Variants in OPCML observed in about 807,000 individuals in gnomAD.
The protein encoded by OPCML is opioid-binding protein/cell adhesion molecule.
A neutral mutation model predicts 37.8 loss-of-function variants in OPCML; 13 were observed. The ratio of observed to expected loss-of-function variants is 0.34; its 90% CI spans 0.22 to 0.55. The LOEUF (loss-of-function observed/expected upper bound fraction) is 0.55. OPCML is among the 20% of genes least tolerant of loss of function. The pLI, the probability that OPCML is intolerant of heterozygous loss-of-function variation, is 0.91. For synonymous variants in OPCML, 176 were observed against 168.8 expected (o/e 1.04, Z -0.33); for missense variants, 341 against 435.6 (o/e 0.78, Z 1.93).
intron 2 of OPCML, among the ~76,000 whole-genome samples, chr11:132,798,624 C>G (rs1938470081): frequency 6.6e-6 from 1 of 152,134 alleles, no homozygotes; most frequent in Non-Finnish European, 1.5e-5. Flanking sequence ...AGTCTTAAAC[C>G]CCTCAAGAGT....
chr11:132,620,015 T>C (rs1190639451), intron 3 of OPCML, among the ~76,000 whole-genome samples: 2 of 152,222 alleles, frequency 1.3e-5, no homozygotes. Context: ...TAATTTTCTC[T>C]ATGGAAAAAT....
intron 3 of OPCML, among the ~76,000 whole-genome samples, chr11:132,639,657 G>C (rs1167608913): frequency 6.6e-6 from 1 of 152,208 alleles, no homozygotes; most frequent in East Asian, 1.9e-4. Context: ...TGGCAAGTTG[G>C]TCTGGCCCTC....
At chr11:133,399,599 A>G (rs1171236182) in intron 1 of OPCML, among the ~76,000 whole-genome samples, 14 of 152,112 alleles carry the variant, frequency 9.2e-5, no homozygotes. Context: ...GAACAACACA[A>G]ACACACATAC....
At chr11:132,813,633 C>T (rs1205186354) in intron 2 of OPCML, among the ~76,000 whole-genome samples, 1 of 152,148 alleles carries the variant, frequency 6.6e-6, no homozygotes, top group Non-Finnish European at 1.5e-5. Context: ...CAGCACTGTG[C>T]ATCCCCAGCA....
chr11:132,757,791 CTTTAG>C (rs941029560), intron 2 of OPCML, among the ~76,000 whole-genome samples: 63 of 152,268 alleles, frequency 4.1e-4, no homozygotes, highest in African/African-American at 1.4e-3. Context: ...TGCAGAAACT[CTTTAG>C]TTTAATTAGA....
At chr11:133,333,405 A>G (rs1190483270) in intron 1 of OPCML, among the ~76,000 whole-genome samples, 1 of 152,154 alleles carries the variant, frequency 6.6e-6, no homozygotes, top group African/African-American at 2.4e-5. Flanking sequence ...AAAACTCCCT[A>G]TTCAGTAAAT....
chr11:132,971,129 C>A (rs1210759598), intron 1 of OPCML, among the ~76,000 whole-genome samples: 1 of 152,160 alleles, frequency 6.6e-6, no homozygotes, highest in African/African-American at 2.4e-5. Flanking sequence ...AGAAAGAAGG[C>A]AAGCTGAAAA....
chr11:132,756,803 T>C (rs1050612201), intron 2 of OPCML, among the ~76,000 whole-genome samples: 1 of 152,176 alleles, frequency 6.6e-6, no homozygotes, highest in Non-Finnish European at 1.5e-5. Flanking sequence ...TATTATACTT[T>C]AAGTTCTGGG....
chr11:132,784,361 A>C (rs879943950), intron 2 of OPCML, among the ~76,000 whole-genome samples: 14 of 152,116 alleles, frequency 9.2e-5, no homozygotes, highest in Non-Finnish European at 1.9e-4. Context: ...AATGACTTCT[A>C]TCTAGTTAGC....
chr11:133,186,571 C>T (rs1938085156), intron 1 of OPCML, among the ~76,000 whole-genome samples: 1 of 152,058 alleles, frequency 6.6e-6, no homozygotes, highest in Non-Finnish European at 1.5e-5. Flanking sequence ...CCTTGCTTTC[C>T]ACTCACCTCC....
At chr11:133,305,047 CAG>C (rs1221844682) in intron 1 of OPCML, among the ~76,000 whole-genome samples, 10 of 152,134 alleles carry the variant, frequency 6.6e-5, no homozygotes, top group African/African-American at 1.7e-4. Flanking sequence ...GCTTTTCATG[CAG>C]AGAGTGATAA....
chr11:133,527,311 T>C (rs759809313), intron 1 of OPCML, among the ~76,000 whole-genome samples: 24 of 152,304 alleles, frequency 1.6e-4, no homozygotes, highest in Non-Finnish European at 3.2e-4. Context: ...GCAGAAAAAC[T>C]AAGACCTAAA....
chr11:132,710,129 G>T (rs1237685626), intron 2 of OPCML, among the ~76,000 whole-genome samples: 1 of 152,124 alleles, frequency 6.6e-6, no homozygotes, highest in Non-Finnish European at 1.5e-5. Context: ...TTCTGAAAAA[G>T]GCAAAGACCT....
At chr11:133,507,011 A>G (rs115648835) in intron 1 of OPCML, among the ~76,000 whole-genome samples, 2,300 of 152,316 alleles carry the variant, frequency 0.015, 49 homozygotes, top group African/African-American at 0.053. Flanking sequence ...TTATCCCTGC[A>G]TGTGGGTCTT....
Position 133,141,983 on chromosome 11 carries a change from A to G in OPCML, c.62-198973T>C, listed in dbSNP as rs1308551109. Among the ~76,000 whole-genome samples the G allele has an allele frequency of 2.0e-5, 3 of 152,166 alleles. 1 individual carries two copies. Among genetic ancestry groups the G allele is most frequent in the Admixed American group, 2.0e-4 (3 of 15,278 alleles). ...TGCCAAGTTCCTTGGCTTTTAGGGC[A>G]TGAGTTTGCTGGGTTAGAGCCCAAG... On this transcript the variant is annotated intron_variant, in intron 1 of 7. Transcript: ENST00000524381.
intron 1 of OPCML, among the ~76,000 whole-genome samples, chr11:133,346,049 G>A (rs1382004636): frequency 6.6e-6 from 1 of 152,192 alleles, no homozygotes; most frequent in Non-Finnish European, 1.5e-5. Context: ...CTTCATCAAA[G>A]TTGAGGTTGT....
intron 2 of OPCML, among the ~76,000 whole-genome samples, chr11:132,941,911 G>A (rs999253493): frequency 6.6e-6 from 1 of 152,164 alleles, no homozygotes; most frequent in African/African-American, 2.4e-5. Flanking sequence ...GGAGGAACAG[G>A]AAGAACCCCC....
chr11:133,516,285 C>G (rs1948270034), intron 1 of OPCML, among the ~76,000 whole-genome samples: 1 of 152,240 alleles, frequency 6.6e-6, no homozygotes, highest in Admixed American at 6.5e-5. Flanking sequence ...GACTTGATAT[C>G]TCCACTGCGT....
At chr11:132,591,014 AAT>A (rs1255380039) in intron 3 of OPCML, among the ~76,000 whole-genome samples, 1 of 152,148 alleles carries the variant, frequency 6.6e-6, no homozygotes, top group Non-Finnish European at 1.5e-5. Context: ...ATTTAAAACC[AAT>A]GTCCCCTAGA....
Sources: allele counts gnomAD v4.1 joint callset (sites outside exome capture counted in the v4.1 genomes callset), GRCh38; gene constraint gnomAD v4.1.1; transcripts MANE v1.5; gene names NCBI Gene and HGNC (gene_info 2026-07-23, HGNC 2026-07-21).